Variants in SPI1 observed in about 807,000 individuals in gnomAD.
SPI1 encodes Spi-1 proto-oncogene.
Under a neutral mutation model 30.7 loss-of-function variants are expected in SPI1, and 3 were observed. The observed-to-expected ratio is 0.10, with a 90% confidence interval of 0.04 to 0.25. The LOEUF (loss-of-function observed/expected upper bound fraction) is 0.25, where lower values mean the gene tolerates loss of function less well. Among genes scored for constraint, SPI1 ranks in the 10% least tolerant of loss-of-function variants. The pLI is 1.00. For synonymous variants in SPI1, 169 were observed against 157.1 expected, an observed-to-expected ratio of 1.08 and a Z score of -0.56; for missense variants, 261 against 371.5, an observed-to-expected ratio of 0.70 and a Z score of 2.45.
intron 4 of SPI1, chr11:47,358,279 C>G (rs771689004): frequency 6.3e-6 from 3 of 476,808 alleles, no homozygotes; most frequent in Non-Finnish European, 1.2e-5. Context: ...CTGTCACACC[C>G]CCACTCACAC....
intron 2 of SPI1, among the ~76,000 whole-genome samples, chr11:47,373,980 C>T (rs576709634): frequency 6.6e-5 from 10 of 152,342 alleles, no homozygotes; most frequent in Admixed American, 1.3e-4. Flanking sequence ...CTGCAAAAGG[C>T]CCAAAGGAAA....
intron 2 of SPI1, among the ~76,000 whole-genome samples, chr11:47,367,637 A>C (rs2142891812): frequency 6.6e-6 from 1 of 152,144 alleles, no homozygotes; most frequent in East Asian, 1.9e-4. Flanking sequence ...AAAAGAAAGA[A>C]AAAAAGAAAA....
chr11:47,355,734 A>C (rs2095907295), intron 4 of SPI1, among the ~76,000 whole-genome samples, 188 bp from the exon 5 acceptor site: 1 of 150,840 alleles, frequency 6.6e-6, no homozygotes, highest in Non-Finnish European at 1.5e-5. Context: ...GCTTGCGCAC[A>C]CACAGGCGTT....
At chr11:47,361,587 G>T (rs1207897775) in intron 2 of SPI1, among the ~76,000 whole-genome samples, 2 of 152,174 alleles carry the variant, frequency 1.3e-5, no homozygotes, top group Admixed American at 1.3e-4. Context: ...TGGTAATAAA[G>T]TGACAAGATC....
At chr11:47,370,079 T>C (rs983506517) in intron 2 of SPI1, among the ~76,000 whole-genome samples, 5 of 152,198 alleles carry the variant, frequency 3.3e-5, no homozygotes, top group African/African-American at 1.2e-4. Flanking sequence ...AGAAGAGTTC[T>C]TATCTCCTTG....
Position 47,375,610 on chromosome 11 carries a change from G to A in SPI1, c.142+23C>T, listed in dbSNP as rs2095941180. 3.8e-6 allele frequency: 6 copies of A among 1,581,492 alleles called. No homozygotes were observed. Among genetic ancestry groups the A allele is most frequent in the Non-Finnish European group, 5.2e-6 (6 of 1,150,172 alleles). On this transcript the variant is annotated intron_variant, in intron 2 of 4. Coordinates refer to ENST00000378538, the MANE Select transcript of SPI1 (RefSeq NM_003120.3). This position sits in a 1 kb window ranked among gnomAD's most constrained non-coding sequence, Gnocchi z 4.2. ...AGCCCAGGCTGGGCTGGGGGATGGG[G>A]GCGTGGCAGGCCCCGTACTCACCGC...
intron 4 of SPI1, among the ~76,000 whole-genome samples, chr11:47,357,345 A>G (rs1430891033): frequency 6.1e-5 from 2 of 32,872 alleles, no homozygotes; most frequent in Admixed American, 9.4e-4. Context: ...CTGCTCACTC[A>G]TATTTCACAC....
chr11:47,358,430 G>A (rs1196054576), intron 4 of SPI1: 2 of 633,054 alleles, frequency 3.2e-6, no homozygotes, highest in Non-Finnish European at 5.8e-6. Flanking sequence ...ATACATTCAT[G>A]TGTTGACAGA....
Position 47,372,984 on chromosome 11 carries a change from C to T in SPI1, c.142+2649G>A, listed in dbSNP as rs562258934. On this transcript the variant is annotated intron_variant, in intron 2 of 4. Transcript: ENST00000378538. Reference sequence around the variant, plus strand: ...TACCTAAAAATGTGGACAAAGAGGACGTGCAGGAATTGACAGAAGTGTGTG... The same window carrying T: ...TACCTAAAAATGTGGACAAAGAGGATGTGCAGGAATTGACAGAAGTGTGTG... Among the ~76,000 whole-genome samples the T allele has an allele frequency of 3.9e-5, 6 of 152,262 alleles. No individual in the cohort carries two copies. The South Asian group carries it at 1.2e-3, about 32-fold the overall frequency.
chr11:47,360,189 C>A, intron 2 of SPI1, 149 bp from the exon 3 acceptor site: 1 of 680,492 alleles, frequency 1.5e-6, no homozygotes, highest in Non-Finnish European at 2.3e-6. Flanking sequence ...TCTAGGCCTG[C>A]ATTTTATAGA....
At chr11:47,357,571 A>C (rs1565636846) in intron 4 of SPI1, among the ~76,000 whole-genome samples, 1 of 135,740 alleles carries the variant, frequency 7.4e-6, no homozygotes, top group Non-Finnish European at 1.7e-5. Context: ...CATCACACCC[A>C]TTCTCTTGTT....
In SPI1 at chr11:47,361,067, G is replaced by A. The variant is rs190805924; in HGVS notation, c.143-1027C>T. ...ACCCAGGAGGCGGAGGCTGCAGTGAGCCGAGATTGCGCCACTGCACTCCAG... is the reference window on the plus strand; with the variant it reads ...ACCCAGGAGGCGGAGGCTGCAGTGAACCGAGATTGCGCCACTGCACTCCAG... On this transcript the variant is annotated intron_variant, in intron 2 of 4. Coordinates refer to ENST00000378538, the MANE Select transcript of SPI1 (RefSeq NM_003120.3). 6.7e-3 allele frequency among the ~76,000 whole-genome samples: 1,013 copies of A among 152,156 alleles called. 7 individuals carry two copies. Among genetic ancestry groups the A allele is most frequent in the African/African-American group, 0.023 (959 of 41,476 alleles).
intron 4 of SPI1, chr11:47,358,064 G>A (rs1542321): frequency 0.69 from 116,177 of 169,402 alleles, 40,102 homozygotes; most frequent in African/African-American, 0.77. Flanking sequence ...TACATGCACA[G>A]ACCTGCTCAC....
intron 4 of SPI1, among the ~76,000 whole-genome samples, chr11:47,357,061 TCACA>T (rs971826262): frequency 6.6e-6 from 1 of 150,476 alleles, no homozygotes; most frequent in Non-Finnish European, 1.5e-5. Flanking sequence ...AAACTCATGC[TCACA>T]CACATGCTAA....
chr11:47,357,804 G>C (rs1384470460), intron 4 of SPI1, among the ~76,000 whole-genome samples: 1 of 152,024 alleles, frequency 6.6e-6, no homozygotes, highest in Non-Finnish European at 1.5e-5. Context: ...GACCTCAGGT[G>C]ATCCGCCTGC....
rs139939401 is a variant in SPI1 at position 47,355,936 on chromosome 11, ACT to A, written c.494-392_494-391del. On this transcript the variant is annotated intron_variant, in intron 4 of 4. Transcript: ENST00000378538. ...AACGCACCTTCTCACACCCACTCAC[ACT>A]CATGCTTAAACACAATGCAACCACT... Among the ~76,000 whole-genome samples the A allele has an allele frequency of 7.9e-3, 1,159 of 147,510 alleles. 12 individuals are homozygous for A. The highest frequency in any genetic ancestry group is 0.012 in the Non-Finnish European group (795 of 67,122).
At chr11:47,367,569 A>AAT (rs35358458) in intron 2 of SPI1, among the ~76,000 whole-genome samples, 4 of 150,448 alleles carry the variant, frequency 2.7e-5, no homozygotes, top group Non-Finnish European at 5.9e-5. Context: ...AAAAAAAAAA[A>AAT]TCCTATCGTA....
At chr11:47,369,961 T>C (rs1450089677) in intron 2 of SPI1, among the ~76,000 whole-genome samples, 1 of 152,176 alleles carries the variant, frequency 6.6e-6, no homozygotes, top group Non-Finnish European at 1.5e-5. Context: ...TCCTGTGAAG[T>C]TGGTATTGTC....
chr11:47,356,569 T>C (rs2095909940), intron 4 of SPI1, among the ~76,000 whole-genome samples: 2 of 150,488 alleles, frequency 1.3e-5, no homozygotes, highest in Non-Finnish European at 3.0e-5. Context: ...TTCACACACC[T>C]GCTCATACAC....
Sources: gnomAD v4.1 joint callset for allele counts (sites outside exome capture counted in the v4.1 genomes callset) on GRCh38, gnomAD v4.1.1 for gene constraint, Gnocchi (gnomAD v3.1) non-coding constraint, MANE v1.5 for transcripts, NCBI Gene and HGNC (gene_info 2026-07-23, HGNC 2026-07-21) for gene names.